TPD52L1: variants seen among roughly 807,000 people sequenced by gnomAD.
The protein encoded by TPD52L1 is tumor protein D53.
A neutral mutation model predicts 28.7 loss-of-function variants in TPD52L1; 18 were observed. The ratio of observed to expected loss-of-function variants is 0.63; its 90% CI spans 0.43 to 0.93. The LOEUF (loss-of-function observed/expected upper bound fraction) is 0.93, where lower values mean the gene tolerates loss of function less well. Among genes scored for constraint, TPD52L1 ranks in the 40% least tolerant of loss-of-function variants. The pLI, the probability that TPD52L1 is intolerant of heterozygous loss-of-function variation, is 0.00. For synonymous variants in TPD52L1, 75 were observed against 88.8 expected (o/e 0.84, Z 0.88); for missense variants, 203 against 254.8 (o/e 0.80, Z 1.39).
At chr6:125,216,184 T>C (rs1401683509) in intron 1 of TPD52L1, among the ~76,000 whole-genome samples, 3 of 152,192 alleles carry the variant, frequency 2.0e-5, no homozygotes, top group African/African-American at 7.2e-5. Context: ...GGCTGTTCCC[T>C]ACATTCTCTT....
At chr6:125,216,525 G>A (rs1293669123) in intron 1 of TPD52L1, among the ~76,000 whole-genome samples, 2 of 104,862 alleles carry the variant, frequency 1.9e-5, no homozygotes, top group African/African-American at 9.4e-5. Flanking sequence ...TTCAGTATGT[G>A]TGTGTATATA....
At chr6:125,159,234 C>A (rs1790349966) in intron 1 of TPD52L1, among the ~76,000 whole-genome samples, 1 of 152,236 alleles carries the variant, frequency 6.6e-6, no homozygotes, top group African/African-American at 2.4e-5. Context: ...TCCTCTCAAG[C>A]CCTGCCACTG....
At chr6:125,234,922 A>G (rs1272420189) in intron 3 of TPD52L1, among the ~76,000 whole-genome samples, 1 of 151,892 alleles carries the variant, frequency 6.6e-6, no homozygotes, top group South Asian at 2.1e-4. Context: ...GTGAAACTGC[A>G]TCTTTACAAA....
chr6:125,189,383 C>A (rs1298201652), intron 1 of TPD52L1, among the ~76,000 whole-genome samples: 1 of 152,146 alleles, frequency 6.6e-6, no homozygotes, highest in Non-Finnish European at 1.5e-5. Flanking sequence ...GTTTGAAAAT[C>A]TGGCTCATAC....
intron 1 of TPD52L1, among the ~76,000 whole-genome samples, chr6:125,172,537 T>TA (rs1376195950): frequency 3.4e-5 from 3 of 88,882 alleles, no homozygotes; most frequent in African/African-American, 5.0e-5. Context: ...TATATATATA[T>TA]ATATATATAT....
At chr6:125,161,897 C>A (rs372916596) in intron 1 of TPD52L1, among the ~76,000 whole-genome samples, 9 of 152,186 alleles carry the variant, frequency 5.9e-5, no homozygotes, top group African/African-American at 2.2e-4. Flanking sequence ...TAGACTTGCA[C>A]AACCTGGGGT....
intron 3 of TPD52L1, among the ~76,000 whole-genome samples, chr6:125,233,595 G>A (rs1339426554): frequency 6.6e-6 from 1 of 152,062 alleles, no homozygotes; most frequent in African/African-American, 2.4e-5. Flanking sequence ...ACATATTTAG[G>A]GAGCCTTTGG....
intron 1 of TPD52L1, among the ~76,000 whole-genome samples, chr6:125,193,714 A>C (rs925771254): frequency 6.6e-6 from 1 of 152,188 alleles, no homozygotes. Context: ...TATATGAAAA[A>C]CAAATATATT....
At chr6:125,169,872 G>A (rs73771236) in intron 1 of TPD52L1, among the ~76,000 whole-genome samples, 9,488 of 152,140 alleles carry the variant, frequency 0.062, 575 homozygotes, top group East Asian at 0.33. Flanking sequence ...AGACCTTACA[G>A]TGGCCTTTCC....
At chr6:125,249,224 G>C (rs1007477717) in intron 4 of TPD52L1, among the ~76,000 whole-genome samples, 5 of 150,930 alleles carry the variant, frequency 3.3e-5, no homozygotes, top group African/African-American at 1.2e-4. Flanking sequence ...TTTTGCATTT[G>C]GCTGATATGC....
At chr6:125,164,150 C>T (rs543681762) in intron 1 of TPD52L1, among the ~76,000 whole-genome samples, 1 of 152,058 alleles carries the variant, frequency 6.6e-6, no homozygotes, top group Non-Finnish European at 1.5e-5. Flanking sequence ...CACAAGCAGT[C>T]AGTGTGCAAA....
At chr6:125,261,590 A>C (rs2115081091) in intron 6 of TPD52L1, 1 of 151,962 alleles carries the variant, frequency 6.6e-6, no homozygotes, top group East Asian at 1.9e-4. Context: ...TAGTGCATCT[A>C]CTTTTTGATA....
At chr6:125,215,818 G>A (rs769911849) in intron 1 of TPD52L1, among the ~76,000 whole-genome samples, 15 of 152,192 alleles carry the variant, frequency 9.9e-5, no homozygotes, top group Non-Finnish European at 1.8e-4. Context: ...AATATAGAAG[G>A]TACTAAAGAT....
chr6:125,216,278 T>G (rs1021448142), intron 1 of TPD52L1, among the ~76,000 whole-genome samples: 1 of 152,024 alleles, frequency 6.6e-6, no homozygotes, highest in African/African-American at 2.4e-5. Context: ...GGTTACAAAA[T>G]GTCCATGCCA....
chr6:125,218,221 G>A (rs1227454493), intron 1 of TPD52L1, among the ~76,000 whole-genome samples: 1 of 152,178 alleles, frequency 6.6e-6, no homozygotes, highest in Non-Finnish European at 1.5e-5. Context: ...AGCAGTATAT[G>A]AGAGCTTCTA....
intron 6 of TPD52L1, among the ~76,000 whole-genome samples, chr6:125,258,165 C>G (rs1797714298): frequency 6.6e-6 from 1 of 152,108 alleles, no homozygotes; most frequent in Non-Finnish European, 1.5e-5. Context: ...TTTCTTAGGG[C>G]AGGGTCTTTC....
chr6:125,263,048 TC>T lies in TPD52L1; in HGVS notation c.*89del. The T allele has an allele frequency of 6.9e-7, 1 of 1,442,012 alleles. No individual in the cohort carries two copies. The highest frequency in any genetic ancestry group is 9.1e-7 in the Non-Finnish European group (1 of 1,096,072). 89.3% of individuals were successfully genotyped at this position (1,442,012 alleles called of 1,614,324 possible). ...GCTTATCCAGATAAGAAGACCAAAA[TC>T]CCGCTGGGAAAAACCCAGGCCTTGA... On this transcript the variant is annotated 3_prime_UTR_variant, in exon 7 of 7. Transcript: ENST00000534000.
At chr6:125,182,078 G>C (rs1465088990) in intron 1 of TPD52L1, among the ~76,000 whole-genome samples, 1 of 152,186 alleles carries the variant, frequency 6.6e-6, no homozygotes. Flanking sequence ...GTACTTTCTA[G>C]AAACCAGGTA....
intron 1 of TPD52L1, among the ~76,000 whole-genome samples, chr6:125,165,249 A>G (rs867144761): frequency 3.9e-5 from 6 of 151,932 alleles, no homozygotes; most frequent in African/African-American, 9.7e-5. Context: ...CCTACTTTTC[A>G]TTGAATATTT....
Sources: allele counts gnomAD v4.1 joint callset (sites outside exome capture counted in the v4.1 genomes callset), GRCh38; gene constraint gnomAD v4.1.1; transcripts MANE v1.5; gene names NCBI Gene and HGNC (gene_info 2026-07-23, HGNC 2026-07-21).